Variants in GLYCTK observed in about 807,000 individuals in gnomAD.
The protein encoded by GLYCTK is glycerate kinase.
GLYCTK carries 22 observed loss-of-function variants against 24.8 expected under a neutral mutation model. The ratio of observed to expected loss-of-function variants is 0.89; its 90% CI spans 0.63 to 1.27. GLYCTK has a LOEUF of 1.27. Among genes scored for constraint, GLYCTK ranks in the 50% most tolerant of loss-of-function variants. The pLI is 0.00. For synonymous variants in GLYCTK, 320 were observed against 297.2 expected (o/e 1.08, Z -0.79); for missense variants, 684 against 686.7 (o/e 1.00, Z 0.04).
rs917555002 is a variant in GLYCTK, at chr3:52,293,766, A to T, written c.*640A>T. On this transcript the variant is annotated 3_prime_UTR_variant, in exon 5 of 5. Transcript: ENST00000436784. ...TGACCAGCCACCCACCCACCCAACC[A>T]TGACTCCACCATGGCACTGTCACCA... is the stretch of plus-strand genomic sequence containing the variant. The T allele has an allele frequency of 2.2e-6, 1 of 453,722 alleles. No homozygotes were observed. The allele number at this position is 453,722 out of a possible 1,614,324, so 28.1% of individuals were successfully genotyped here.
Position 52,293,918 on chromosome 3 carries a change from T to G in GLYCTK, c.*792T>G. The G allele has an allele frequency of 4.4e-6, 2 of 453,950 alleles. No individual in the cohort carries two copies. Among genetic ancestry groups the G allele is most frequent in the Non-Finnish European group, 4.4e-6 (1 of 226,668 alleles). The allele number at this position is 453,950 out of a possible 1,614,324, so 28.1% of individuals were successfully genotyped here. ...TGTCCCACCCCCCAGTGCTGTTTCC[T>G]TGTGACAGCCCTTGTCCTAGGCTGA... is the stretch of plus-strand genomic sequence containing the variant. On this transcript the variant is annotated 3_prime_UTR_variant, in exon 5 of 5. Transcript: ENST00000436784.
In GLYCTK at chr3:52,293,166, A is replaced by G; in HGVS notation, c.*40A>G. The G allele has an allele frequency of 6.2e-7, 1 of 1,609,824 alleles. No individual in the cohort carries two copies. Among genetic ancestry groups the G allele is most frequent in the East Asian group, 2.2e-5 (1 of 44,880 alleles). On this transcript the variant is annotated 3_prime_UTR_variant, in exon 5 of 5. Transcript: ENST00000436784. ...TTTTGGGAGTTCAGAGGAGGCCTAC[A>G]AGGGCAAGGTCAGATGGCAGAGCAA...
In GLYCTK at chr3:52,294,503, G is replaced by A; in HGVS notation, c.*1377G>A. On this transcript the variant is annotated 3_prime_UTR_variant, in exon 5 of 5. Transcript: ENST00000436784. ...CTCACACAGGGCAGGCTGGAGATTG[G>A]GAGGGAGGTAAACGTGGTAAGCGGG... 2.6e-6 allele frequency: 1 copy of A among 387,352 alleles called. No individual in the cohort carries two copies. 24.0% of individuals were successfully genotyped at this position (387,352 alleles called of 1,614,324 possible).
In GLYCTK at chr3:52,292,688, A is replaced by G. The variant is rs1435330836; in HGVS notation, c.1134A>G (p.Ala378=). Reference sequence around the variant, plus strand: ...AAGATGCACAGCTCCATGAGCTGGCAGCTGAGCTTCAGATCCCAGACCTGC... The same window carrying G: ...AAGATGCACAGCTCCATGAGCTGGCGGCTGAGCTTCAGATCCCAGACCTGC... ...VEEDAQLHEL[A]AELQIPDLQL... The change falls in exon 5 of 5, where the codon GCA becomes GCG. Residue 378 remains alanine, a synonymous_variant. Coordinates refer to ENST00000436784, the MANE Select transcript of GLYCTK (RefSeq NM_145262.4). The G allele has an allele frequency of 1.4e-5, 23 of 1,606,666 alleles. No homozygotes were observed. Among genetic ancestry groups the G allele is most frequent in the Non-Finnish European group, 2.0e-5 (23 of 1,174,774 alleles).
rs1578035707 is a variant in GLYCTK, at chr3:52,294,942, A to C, written c.*1816A>C. The C allele has an allele frequency of 4.4e-6, 2 of 454,106 alleles. No individual in the cohort carries two copies. The highest frequency in any genetic ancestry group is 1.4e-3 in the Middle Eastern group (2 of 1,444). The allele number at this position is 454,106 out of a possible 1,614,324, so 28.1% of individuals were successfully genotyped here. On this transcript the variant is annotated 3_prime_UTR_variant, in exon 5 of 5. Coordinates refer to ENST00000436784, the MANE Select transcript of GLYCTK (RefSeq NM_145262.4). The stretch of plus-strand genomic sequence containing the variant: ...GAGTGTACACATAGATACTTAGTAC[A>C]GGGCACATGACTCCCTGCATCCCTG...
At chr3:52,288,509 C>T (rs542421734) in intron 1 of GLYCTK, 19 of 152,444 alleles carry the variant, frequency 1.2e-4, no homozygotes, top group African/African-American at 4.3e-4. Flanking sequence ...TGCGCCGGGC[C>T]ACGTCCAGTT....
At chr3:52,288,222 AT>A (rs369984387) in intron 1 of GLYCTK, among the ~76,000 whole-genome samples, 3,509 of 151,842 alleles carry the variant, frequency 0.023, 141 homozygotes, top group African/African-American at 0.079. Flanking sequence ...GTCCAGTTAC[AT>A]TTTTTTTGAG....
Position 52,293,292 on chromosome 3 carries a change from T to C in GLYCTK, c.*166T>C, listed in dbSNP as rs2293159. 684 of 751,480 alleles carry C rather than the reference T, an allele frequency of 9.1e-4. 8 individuals carry two copies. In the East Asian group the frequency reaches 0.017, roughly 19 times the overall value. 46.6% of individuals were successfully genotyped at this position (751,480 alleles called of 1,614,324 possible). A position where few individuals can be genotyped will look rare whatever the true frequency, so the allele number is the denominator to read the frequency against. On this transcript the variant is annotated 3_prime_UTR_variant, in exon 5 of 5. Coordinates refer to ENST00000436784, the MANE Select transcript of GLYCTK (RefSeq NM_145262.4). Reference sequence around the variant, plus strand: ...TTCCACTCAGGGCCTCTGCTCTATATCTATTCCCTTCCAGCCAGACTGGCA... The same window carrying C: ...TTCCACTCAGGGCCTCTGCTCTATACCTATTCCCTTCCAGCCAGACTGGCA...
rs1700570013 is a variant in GLYCTK at position 52,294,047 on chromosome 3, A to T, written c.*921A>T. On this transcript the variant is annotated 3_prime_UTR_variant, in exon 5 of 5. Coordinates refer to ENST00000436784, the MANE Select transcript of GLYCTK (RefSeq NM_145262.4). ...ACTGGGATGGTGGGTCCAGCCAGTG[A>T]TGAGGTCCAGTGACCCACACCTCTT... 1 of 447,114 alleles carries T rather than the reference A, an allele frequency of 2.2e-6. No homozygotes were observed. The highest frequency in any genetic ancestry group is 4.6e-6 in the Non-Finnish European group (1 of 219,732). 27.7% of individuals were successfully genotyped at this position (447,114 alleles called of 1,614,324 possible).
At chr3:52,292,066 G>A in intron 4 of GLYCTK, 144 bp downstream of exon 4, 1 of 1,122,348 alleles carries the variant, frequency 8.9e-7, no homozygotes, top group Admixed American at 2.0e-5. Flanking sequence ...CATCATGGGA[G>A]GGGTGCCAGA....
Position 52,293,677 on chromosome 3 carries a change from G to A in GLYCTK, c.*551G>A, listed in dbSNP as rs769347399. 2.2e-6 allele frequency: 1 copy of A among 454,250 alleles called. No individual in the cohort carries two copies. The highest frequency in any genetic ancestry group is 6.9e-4 in the Middle Eastern group (1 of 1,446). The allele number at this position is 454,250 out of a possible 1,614,324, so 28.1% of individuals were successfully genotyped here. ...TGTGTGAGGGTTGAGCTTGGCTCCT[G>A]ACAGCTTTGATGTGCGTGAGCAGAG... On this transcript the variant is annotated 3_prime_UTR_variant, in exon 5 of 5. Coordinates refer to ENST00000436784, the MANE Select transcript of GLYCTK (RefSeq NM_145262.4).
chr3:52,293,894 G>C lies in GLYCTK; in HGVS notation c.*768G>C. ...TGCACTTCTGGTTGAGCTGAAGTTT[G>C]TCCCACCCCCCAGTGCTGTTTCCTT... On this transcript the variant is annotated 3_prime_UTR_variant, in exon 5 of 5. Transcript: ENST00000436784. The C allele has an allele frequency of 2.2e-6, 1 of 454,056 alleles. No homozygotes were observed. Among genetic ancestry groups the C allele is most frequent in the South Asian group, 1.6e-5 (1 of 64,474 alleles). 28.1% of individuals were successfully genotyped at this position (454,056 alleles called of 1,614,324 possible). A position where few individuals can be genotyped will look rare whatever the true frequency, so the allele number is the denominator to read the frequency against.
At position 52,293,916 on chromosome 3, in the gene GLYCTK, C is replaced by G; in HGVS notation, c.*790C>G. On this transcript the variant is annotated 3_prime_UTR_variant, in exon 5 of 5. Coordinates refer to ENST00000436784, the MANE Select transcript of GLYCTK (RefSeq NM_145262.4). ...TTTGTCCCACCCCCCAGTGCTGTTT[C>G]CTTGTGACAGCCCTTGTCCTAGGCT... is the stretch of plus-strand genomic sequence containing the variant. 6.6e-6 allele frequency: 3 copies of G among 453,968 alleles called. No homozygotes were observed. Among genetic ancestry groups the G allele is most frequent in the Non-Finnish European group, 1.3e-5 (3 of 226,670 alleles). The allele number at this position is 453,968 out of a possible 1,614,324, so 28.1% of individuals were successfully genotyped here. A position where few individuals can be genotyped will look rare whatever the true frequency, so the allele number is the denominator to read the frequency against.
Position 52,290,596 on chromosome 3 carries a change from G to C in GLYCTK, c.254G>C (p.Gly85Ala). The change falls in exon 2 of 5, where the codon GGC becomes GCC. Residue 85 changes from glycine (G) to alanine (A), a missense_variant. Gly to Ala is a moderately conservative substitution (Grantham distance 60, BLOSUM62 0). Coordinates refer to ENST00000436784, the MANE Select transcript of GLYCTK (RefSeq NM_145262.4). ...FQLRQNLYLV[G>A]FGKAVLGMAA... ...CTGAGGCAAAACCTCTACCTGGTGG[G>C]CTTTGGCAAGGCTGTGCTGGGTATG... 6.2e-7 allele frequency: 1 copy of C among 1,613,992 alleles called. No individual in the cohort carries two copies. The highest frequency in any genetic ancestry group is 8.5e-7 in the Non-Finnish European group (1 of 1,180,040).
In GLYCTK at chr3:52,292,461, C is replaced by T. The variant is rs1210037519; in HGVS notation, c.907C>T (p.His303Tyr). Residue 303 changes from histidine (H) to tyrosine (Y), a missense_variant, in exon 5 of 5, where the codon CAT becomes TAT. His to Tyr is a moderately conservative substitution (Grantham distance 83). Transcript: ENST00000436784. ...SDPHGPHTCGHVLNVIIGSNV... is the reference protein window; with the variant it reads ...SDPHGPHTCGYVLNVIIGSNV... ...CCCCCATGGGCCACACACCTGTGGC[C>T]ATGTCCTGAATGTGATCATTGGCTC... 2 of 1,613,026 alleles carry T rather than the reference C, an allele frequency of 1.2e-6. No homozygotes were observed. Among genetic ancestry groups the T allele is most frequent in the East Asian group, 2.2e-5 (1 of 44,880 alleles).
At chr3:52,289,650 C>G (rs1202634597) in intron 1 of GLYCTK, among the ~76,000 whole-genome samples, 2 of 152,232 alleles carry the variant, frequency 1.3e-5, no homozygotes, top group South Asian at 2.1e-4. Flanking sequence ...GAACCTAAAC[C>G]TCTTGCTGAA....
At position 52,293,698 on chromosome 3, in the gene GLYCTK, C is replaced by G. The variant is rs1200137304; in HGVS notation, c.*572C>G. On this transcript the variant is annotated 3_prime_UTR_variant, in exon 5 of 5. Coordinates refer to ENST00000436784, the MANE Select transcript of GLYCTK (RefSeq NM_145262.4). The stretch of plus-strand genomic sequence containing the variant: ...TCCTGACAGCTTTGATGTGCGTGAG[C>G]AGAGACCCCAGGGAGGACAGGCCTA... 2 of 454,126 alleles carry G rather than the reference C, an allele frequency of 4.4e-6. No homozygotes were observed. The highest frequency in any genetic ancestry group is 8.8e-6 in the Non-Finnish European group (2 of 226,802). 28.1% of individuals were successfully genotyped at this position (454,126 alleles called of 1,614,324 possible).
chr3:52,288,063 G>T, intron 1 of GLYCTK, 187 bp downstream of exon 1: 1 of 231,604 alleles, frequency 4.3e-6, no homozygotes, highest in Non-Finnish European at 9.4e-6. Flanking sequence ...AGGGAAAGCC[G>T]GAAATGGTAC....
At chr3:52,289,234 A>G (rs987573152) in intron 1 of GLYCTK, 3 of 152,254 alleles carry the variant, frequency 2.0e-5, no homozygotes, top group Non-Finnish European at 4.4e-5. Flanking sequence ...TATGGTAGGC[A>G]TTTATTAAAG....
Sources: allele counts gnomAD v4.1 joint callset (sites outside exome capture counted in the v4.1 genomes callset), GRCh38; gene constraint gnomAD v4.1.1; transcripts MANE v1.5; gene names NCBI Gene and HGNC (gene_info 2026-07-23, HGNC 2026-07-21).